ADAMTSL1: variants seen among roughly 807,000 people sequenced by gnomAD.
ADAMTSL1 encodes the protein ADAMTS like 1.
A neutral mutation model predicts 201.8 loss-of-function variants in ADAMTSL1; 126 were observed. The observed-to-expected ratio is 0.62, with a 90% confidence interval of 0.54 to 0.72. ADAMTSL1 has a LOEUF of 0.72. Ranked by LOEUF, ADAMTSL1 falls within the 30% of genes least tolerant of loss-of-function variation. The pLI is 0.00. For missense variants in ADAMTSL1, 2,679 were observed against 2,277.8 expected (o/e 1.18, Z -3.59); for synonymous variants, 1,121 against 903.4 (o/e 1.24, Z -4.32).
At chr9:18,553,778 G>A (rs1375158609) in intron 3 of ADAMTSL1, among the ~76,000 whole-genome samples, 2 of 151,776 alleles carry the variant, frequency 1.3e-5, no homozygotes, top group Non-Finnish European at 2.9e-5. Context: ...CGTTGCCATT[G>A]AGAAGCCAGC....
At chr9:18,290,281 A>ATT (rs35411626) in intron 2 of ADAMTSL1, among the ~76,000 whole-genome samples, 27,697 of 147,742 alleles carry the variant, frequency 0.19, 3,322 homozygotes, top group Admixed American at 0.4. Flanking sequence ...AGGGGATTAG[A>ATT]TTTTTTTTTT....
chr9:18,287,532 T>G (rs1438212728), intron 2 of ADAMTSL1, among the ~76,000 whole-genome samples: 1 of 151,400 alleles, frequency 6.6e-6, no homozygotes, highest in Non-Finnish European at 1.5e-5. Context: ...TTTACATATA[T>G]GTAAAATACA....
At chr9:18,299,215 C>A (rs576074533) in intron 2 of ADAMTSL1, among the ~76,000 whole-genome samples, 1 of 151,948 alleles carries the variant, frequency 6.6e-6, no homozygotes, top group Non-Finnish European at 1.5e-5. Context: ...AGAATTCAAA[C>A]CCCAGACTTC....
chr9:18,864,187 T>C (rs1266841632), intron 23 of ADAMTSL1, among the ~76,000 whole-genome samples: 1 of 152,224 alleles, frequency 6.6e-6, no homozygotes, highest in Non-Finnish European at 1.5e-5. Context: ...CAGAGCATTC[T>C]TCCCCGTGAA....
chr9:17,924,639 C>A (rs1406009123), intron 1 of ADAMTSL1, among the ~76,000 whole-genome samples: 1 of 149,138 alleles, frequency 6.7e-6, no homozygotes, highest in East Asian at 2.0e-4. Flanking sequence ...GCTGGGAAAA[C>A]TGGCTAGCCA....
chr9:18,533,426 T>C (rs573587330), intron 3 of ADAMTSL1, 134 bp downstream of exon 3: 1 of 536,462 alleles, frequency 1.9e-6, no homozygotes, highest in Admixed American at 3.8e-5. Context: ...CTGTACTGAT[T>C]ATATGCAGGA....
At chr9:18,105,201 G>A (rs964736155) in intron 1 of ADAMTSL1, among the ~76,000 whole-genome samples, 8 of 152,240 alleles carry the variant, frequency 5.3e-5, no homozygotes, top group African/African-American at 1.7e-4. Context: ...TGGAATATGT[G>A]CTCTCTGAGT....
intron 2 of ADAMTSL1, among the ~76,000 whole-genome samples, chr9:18,511,816 T>C (rs565251379): frequency 6.6e-6 from 1 of 152,334 alleles, no homozygotes; most frequent in East Asian, 1.9e-4. Flanking sequence ...AAATTTTCAA[T>C]GGTAAGATTT....
chr9:18,115,528 G>A (rs1164483844), intron 1 of ADAMTSL1, among the ~76,000 whole-genome samples: 1 of 151,998 alleles, frequency 6.6e-6, no homozygotes, highest in Non-Finnish European at 1.5e-5. Context: ...AGAGAAAGTA[G>A]GTGCACTTTA....
intron 7 of ADAMTSL1, among the ~76,000 whole-genome samples, chr9:18,650,739 G>A (rs564746571): frequency 1.6e-4 from 25 of 152,146 alleles, no homozygotes; most frequent in Non-Finnish European, 2.6e-4. Context: ...CTAGAGCAGC[G>A]TTTCTTCTAA....
chr9:17,966,015 G>C (rs566236614), intron 1 of ADAMTSL1, among the ~76,000 whole-genome samples: 2 of 152,088 alleles, frequency 1.3e-5, no homozygotes, highest in African/African-American at 4.8e-5. Context: ...ACAAGCAAAC[G>C]AATCTCCTGT....
intron 23 of ADAMTSL1, among the ~76,000 whole-genome samples, chr9:18,847,328 G>A (rs568065837): frequency 3.3e-4 from 50 of 152,152 alleles, no homozygotes; most frequent in Admixed American, 1.6e-3. Flanking sequence ...TCCATGCACT[G>A]ATACAACAGA....
At chr9:18,044,317 T>C (rs1197368505) in intron 1 of ADAMTSL1, among the ~76,000 whole-genome samples, 2 of 151,924 alleles carry the variant, frequency 1.3e-5, no homozygotes, top group African/African-American at 2.4e-5. Context: ...CTTCACCTGA[T>C]AGAAATAAAG....
intron 1 of ADAMTSL1, among the ~76,000 whole-genome samples, chr9:17,994,302 G>C (rs946128531): frequency 6.6e-6 from 1 of 152,074 alleles, no homozygotes; most frequent in Non-Finnish European, 1.5e-5. Context: ...TGGAGTATCT[G>C]TCTCAAATAA....
intron 1 of ADAMTSL1, among the ~76,000 whole-genome samples, chr9:18,123,264 T>C (rs879752878): frequency 1.3e-5 from 2 of 152,232 alleles, no homozygotes; most frequent in Non-Finnish European, 2.9e-5. Context: ...ATTTCAGTTT[T>C]CATCACAAGT....
chr9:18,259,588 C>T (rs1831836570), intron 2 of ADAMTSL1, among the ~76,000 whole-genome samples: 1 of 152,074 alleles, frequency 6.6e-6, no homozygotes, highest in African/African-American at 2.4e-5. Context: ...TTACAAGGCT[C>T]CCAGGGGACA....
rs138360831 is a variant in ADAMTSL1, at chr9:18,015,209, G to C, written c.87+108287G>C. ...TGGGAATGAGTTGGAACACAGGTGTGTCTAGGCTCATGCTTGCTTCTCTCT... is the reference window on the plus strand; with the variant it reads ...TGGGAATGAGTTGGAACACAGGTGTCTCTAGGCTCATGCTTGCTTCTCTCT... On this transcript the variant is annotated intron_variant, in intron 1 of 29. Transcript: ENST00000680146. Among the ~76,000 whole-genome samples the C allele has an allele frequency of 5.0e-4, 76 of 152,116 alleles. 1 individual carries two copies. Among genetic ancestry groups the C allele is most frequent in the East Asian group, 2.7e-3 (14 of 5,136 alleles).
chr9:18,676,450 C>G (rs763336724), intron 10 of ADAMTSL1, among the ~76,000 whole-genome samples: 2 of 151,904 alleles, frequency 1.3e-5, no homozygotes. Flanking sequence ...GACATTTTTT[C>G]TAAACAAAAT....
intron 2 of ADAMTSL1, among the ~76,000 whole-genome samples, chr9:18,385,478 A>C (rs2133200244): frequency 6.6e-6 from 1 of 152,316 alleles, no homozygotes; most frequent in Non-Finnish European, 1.5e-5. Context: ...AGATTATTTC[A>C]AACAGTACGT....
Sources: allele counts gnomAD v4.1 joint callset (sites outside exome capture counted in the v4.1 genomes callset), GRCh38; gene constraint gnomAD v4.1.1; transcripts MANE v1.5; gene names NCBI Gene and HGNC (gene_info 2026-07-23, HGNC 2026-07-21).